FAT3: variants seen among roughly 807,000 people sequenced by gnomAD.
The protein encoded by FAT3 is protocadherin Fat 3.
A neutral mutation model predicts 310.2 loss-of-function variants in FAT3; 95 were observed. The observed-to-expected ratio is 0.31, with a 90% CI of 0.26 to 0.36. The LOEUF (loss-of-function observed/expected upper bound fraction) is 0.36, where lower values mean the gene tolerates loss of function less well. Ranked by LOEUF, FAT3 falls within the 10% of genes least tolerant of loss-of-function variation. The pLI, the probability that FAT3 is intolerant of heterozygous loss-of-function variation, is 1.00. For synonymous variants in FAT3, 2,314 were observed against 2,192.9 expected (o/e 1.06, Z -1.54); for missense variants, 5,408 against 5,715.6 (o/e 0.95, Z 1.74).
At chr11:92,461,043 A>G (rs755625005) in intron 2 of FAT3, among the ~76,000 whole-genome samples, 9 of 152,210 alleles carry the variant, frequency 5.9e-5, no homozygotes, top group Non-Finnish European at 1.3e-4. Context: ...AGGAAAAATC[A>G]CTAATACTGA....
intron 3 of FAT3, among the ~76,000 whole-genome samples, chr11:92,555,841 C>T (rs1182718910): frequency 6.6e-6 from 1 of 152,190 alleles, no homozygotes; most frequent in Non-Finnish European, 1.5e-5. Context: ...CACCACAGAC[C>T]TTACATTATG....
Position 92,355,363 on chromosome 11 carries a change from A to T in FAT3, c.3251A>T (p.Asp1084Val). Residue 1084 changes from aspartate to valine, a missense_variant, in exon 2 of 28, where the codon GAT becomes GTT. Asp to Val is a radical substitution (Grantham distance 152, BLOSUM62 -3). This residue lies in a region of FAT3 where 4,588 missense variants were observed against 4,809.8 expected (regional missense o/e 0.95). Coordinates refer to ENST00000525166, the MANE Select transcript of FAT3 (RefSeq NM_001367949.2). ...RDGEIQYSIR[D>V]GSGLGRFSID... Reference sequence around the variant, plus strand: ...GGAGAGATCCAGTACTCCATCAGGGATGGCAGTGGTCTTGGAAGGTTCAGT... The same window carrying T: ...GGAGAGATCCAGTACTCCATCAGGGTTGGCAGTGGTCTTGGAAGGTTCAGT... The T allele has an allele frequency of 6.2e-7, 1 of 1,613,778 alleles. No individual in the cohort carries two copies. Among genetic ancestry groups the T allele is most frequent in the Non-Finnish European group, 8.5e-7 (1 of 1,179,810 alleles).
intron 3 of FAT3, among the ~76,000 whole-genome samples, chr11:92,694,364 C>G (rs1482743944): frequency 2.0e-5 from 3 of 152,142 alleles, no homozygotes; most frequent in African/African-American, 7.2e-5. Flanking sequence ...CTTTTTACTC[C>G]AGGAACAGAA....
At chr11:92,255,067 T>A (rs1231774110) in intron 1 of FAT3, among the ~76,000 whole-genome samples, 1 of 152,066 alleles carries the variant, frequency 6.6e-6, no homozygotes, top group Non-Finnish European at 1.5e-5. Context: ...AGGAAACATA[T>A]CCAAAATTTA....
chr11:92,642,882 C>A (rs892622901), intron 3 of FAT3, among the ~76,000 whole-genome samples: 1 of 152,218 alleles, frequency 6.6e-6, no homozygotes, highest in Non-Finnish European at 1.5e-5. Flanking sequence ...CACAGAAAAT[C>A]TGACAGAAAA....
chr11:92,851,679 C>T (rs79611959), intron 19 of FAT3, among the ~76,000 whole-genome samples: 2,798 of 152,224 alleles, frequency 0.018, 98 homozygotes, highest in African/African-American at 0.063. Context: ...GGGACCCTTC[C>T]CCCTTCATGC....
intron 1 of FAT3, among the ~76,000 whole-genome samples, chr11:92,284,771 GGCAGGTC>G (rs1288031443): frequency 6.6e-6 from 1 of 152,120 alleles, no homozygotes; most frequent in Non-Finnish European, 1.5e-5. Context: ...GGGGAATGCT[GGCAGGTC>G]AGCTTCTCTA....
intron 10 of FAT3, among the ~76,000 whole-genome samples, chr11:92,802,968 A>G (rs1947401400): frequency 6.6e-6 from 1 of 152,150 alleles, no homozygotes; most frequent in Non-Finnish European, 1.5e-5. Context: ...CTTTTTCTTC[A>G]TGGGACTGTT....
chr11:92,561,691 T>A (rs1955231929), intron 3 of FAT3, among the ~76,000 whole-genome samples: 1 of 152,168 alleles, frequency 6.6e-6, no homozygotes, highest in Admixed American at 6.6e-5. Context: ...AGTGGCACAA[T>A]CTTGGCTCAC....
At chr11:92,643,597 T>C (rs1942040732) in intron 3 of FAT3, among the ~76,000 whole-genome samples, 2 of 152,164 alleles carry the variant, frequency 1.3e-5, no homozygotes, top group Admixed American at 1.3e-4. Context: ...CACTGTAAAC[T>C]ATAAAAATGA....
chr11:92,872,599 G>A (rs1170010803), intron 22 of FAT3, among the ~76,000 whole-genome samples: 1 of 152,114 alleles, frequency 6.6e-6, no homozygotes, highest in African/African-American at 2.4e-5. Context: ...TAATAGAAAA[G>A]CTCAAACCCT....
chr11:92,437,626 A>G (rs1382200363), intron 2 of FAT3, among the ~76,000 whole-genome samples: 1 of 152,202 alleles, frequency 6.6e-6, no homozygotes, highest in African/African-American at 2.4e-5. Flanking sequence ...CAAAAAAGGA[A>G]TCAATTTTCA....
intron 3 of FAT3, among the ~76,000 whole-genome samples, chr11:92,560,650 A>G (rs1030053221): frequency 1.3e-5 from 2 of 152,180 alleles, no homozygotes; most frequent in African/African-American, 4.8e-5. Context: ...ATAAAAAGAA[A>G]AAGACTCTGT....
rs539642150 is a variant in FAT3 at position 92,444,870 on chromosome 11, G to A, written c.3293-79764G>A. Reference sequence around the variant, plus strand: ...GACTACAACCCTTTCAATGGCTTCCGTCTTAGAAGAAAAAAGTTCTGTCAT... The same window carrying A: ...GACTACAACCCTTTCAATGGCTTCCATCTTAGAAGAAAAAAGTTCTGTCAT... On this transcript the variant is annotated intron_variant, in intron 2 of 27. Coordinates refer to ENST00000525166, the MANE Select transcript of FAT3 (RefSeq NM_001367949.2). Among the ~76,000 whole-genome samples, 6 of 152,192 alleles carry A rather than the reference G, an allele frequency of 3.9e-5. No individual in the cohort carries two copies. In the East Asian group the frequency reaches 9.7e-4, roughly 25 times the overall value.
intron 2 of FAT3, among the ~76,000 whole-genome samples, chr11:92,445,464 G>GA (rs1055009164): frequency 4.6e-5 from 7 of 151,626 alleles, no homozygotes; most frequent in East Asian, 1.9e-4. Flanking sequence ...TCAAGGAGGG[G>GA]AAAAAAAATC....
At chr11:92,454,360 A>G (rs1951443720) in intron 2 of FAT3, among the ~76,000 whole-genome samples, 1 of 152,178 alleles carries the variant, frequency 6.6e-6, no homozygotes, top group African/African-American at 2.4e-5. Flanking sequence ...TTTTATAGTA[A>G]TTCTTCTTCC....
At chr11:92,634,844 T>C (rs1941698103) in intron 3 of FAT3, among the ~76,000 whole-genome samples, 1 of 152,082 alleles carries the variant, frequency 6.6e-6, no homozygotes, top group African/African-American at 2.4e-5. Context: ...AAGGAAGTAA[T>C]TAAGGTTTAG....
Position 92,886,991 on chromosome 11 carries a change from T to A in FAT3, c.12938-9T>A. 2 of 1,590,050 alleles carry A rather than the reference T, an allele frequency of 1.3e-6. No individual in the cohort carries two copies. The highest frequency in any genetic ancestry group is 1.1e-5 in the South Asian group (1 of 86,968). ...GTAATTTCTGCTTTCTCTTTCACTG[T>A]CCATGAAGACAAAGGGGTTGATGAC... On this transcript the variant is annotated splice_polypyrimidine_tract_variant and intron_variant, in intron 24 of 27. Transcript: ENST00000525166.
Position 92,844,301 on chromosome 11 carries a change from T to G in FAT3, c.10934T>G (p.Leu3645Arg). 6.2e-7 allele frequency: 1 copy of G among 1,614,008 alleles called. No individual in the cohort carries two copies. The highest frequency in any genetic ancestry group is 8.5e-7 in the Non-Finnish European group (1 of 1,179,910). The stretch of plus-strand genomic sequence containing the variant: ...GTGGAGCAGTTGGTGCATGAGATGC[T>G]GCAGAACACTGTCACCATCCGCTTT... ...VHVEQLVHEM[L>R]QNTVTIRFEN... is the part of the protein sequence containing the mutation. Residue 3645 changes from leucine (L) to arginine (R), a missense_variant, in exon 19 of 28, where the codon CTG becomes CGG. Around this residue, in one of 5 missense-constraint regions of FAT3, gnomAD observed 4,588 missense variants for 4,809.8 expected, o/e 0.95. Coordinates refer to ENST00000525166, the MANE Select transcript of FAT3 (RefSeq NM_001367949.2).
Sources: gnomAD v4.1 joint callset for allele counts (sites outside exome capture counted in the v4.1 genomes callset) on GRCh38, gnomAD v4.1.1 for gene constraint, gnomAD v4.1.1 regional missense constraint, MANE v1.5 for transcripts, NCBI Gene and HGNC (gene_info 2026-07-23, HGNC 2026-07-21) for gene names.